PIGN: variants seen among roughly 807,000 people sequenced by gnomAD.
The protein encoded by PIGN is GPI ethanolamine phosphate transferase 1.
Under a neutral mutation model 125.4 loss-of-function variants are expected in PIGN, and 117 were observed. The ratio of observed to expected loss-of-function variants is 0.93; its 90% CI spans 0.80 to 1.09. The LOEUF (loss-of-function observed/expected upper bound fraction) is 1.09, where lower values mean the gene tolerates loss of function less well. Ranked by LOEUF, PIGN falls within the 50% of genes least tolerant of loss-of-function variation. The probability of loss-of-function intolerance (pLI) is 0.00; values close to 1 mark genes in which losing one functional copy is unlikely to be tolerated. For missense variants in PIGN, 1,075 were observed against 1,094.9 expected (o/e 0.98, Z 0.26); for synonymous variants, 392 against 377.8 (o/e 1.04, Z -0.44).
downstream of PIGN, among the ~76,000 whole-genome samples, chr18:62,038,305 C>T (rs986811398): frequency 1.7e-4 from 14 of 83,110 alleles, no homozygotes; most frequent in South Asian, 4.6e-4. Context: ...AATCCCCCTC[C>T]GTGTTTTTTT....
chr18:62,098,916 A>G (rs1481452053), intron 22 of PIGN, among the ~76,000 whole-genome samples: 2 of 152,124 alleles, frequency 1.3e-5, no homozygotes, highest in African/African-American at 2.4e-5. Flanking sequence ...ATAAAATCAT[A>G]TAGGATACTC....
intron 23 of PIGN, among the ~76,000 whole-genome samples, chr18:62,020,795 T>TA (rs58826066): frequency 0.062 from 8,785 of 140,974 alleles, 339 homozygotes; most frequent in African/African-American, 0.1. Flanking sequence ...CTAAAAATAT[T>TA]AAAAAAAAAA....
intron 23 of PIGN, among the ~76,000 whole-genome samples, chr18:62,034,787 C>T (rs2030236148): frequency 6.6e-6 from 1 of 152,118 alleles, no homozygotes; most frequent in Non-Finnish European, 1.5e-5. Flanking sequence ...AGGAAGGGGA[C>T]TTGCCTTGTC....
At chr18:62,021,130 C>G (rs1028898791) in intron 23 of PIGN, among the ~76,000 whole-genome samples, 3 of 152,102 alleles carry the variant, frequency 2.0e-5, no homozygotes, top group African/African-American at 7.2e-5. Context: ...CTAAATGATC[C>G]AGGCATTTCA....
chr18:62,018,996 C>T (rs1195550518), intron 23 of PIGN, among the ~76,000 whole-genome samples: 1 of 152,144 alleles, frequency 6.6e-6, no homozygotes, highest in Non-Finnish European at 1.5e-5. Flanking sequence ...GCTGGAGGAT[C>T]ATTTGAGGCC....
intron 28 of PIGN, among the ~76,000 whole-genome samples, chr18:62,078,632 A>C (rs58162573): frequency 0.3 from 45,768 of 152,164 alleles, 8,035 homozygotes; most frequent in East Asian, 0.58. Context: ...TCTAATTTTA[A>C]GAAGGATAGG....
chr18:62,039,725 G>A (rs1432597427), downstream of PIGN, among the ~76,000 whole-genome samples: 1 of 80,960 alleles, frequency 1.2e-5, no homozygotes, highest in Admixed American at 1.2e-4. Flanking sequence ...CCAGGGTGCC[G>A]CACATCATGT....
intron 23 of PIGN, among the ~76,000 whole-genome samples, chr18:62,091,606 C>T (rs1326353090): frequency 6.6e-5 from 10 of 152,066 alleles, no homozygotes; most frequent in African/African-American, 2.2e-4. Flanking sequence ...ACATGTCCAC[C>T]GGGGAATGAT....
chr18:62,185,410 T>C (rs2037877642), intron 1 of PIGN, among the ~76,000 whole-genome samples: 2 of 152,206 alleles, frequency 1.3e-5, no homozygotes, highest in African/African-American at 4.8e-5. Flanking sequence ...AAATTCTTGG[T>C]ACTTTTTTTT....
intron 1 of PIGN, among the ~76,000 whole-genome samples, chr18:62,180,816 A>G (rs2037691478): frequency 6.6e-6 from 1 of 152,142 alleles, no homozygotes; most frequent in African/African-American, 2.4e-5. Flanking sequence ...CCTTTTGTTA[A>G]AATAAATTTT....
intron 27 of PIGN, among the ~76,000 whole-genome samples, chr18:62,083,380 T>C (rs887915886): frequency 1.3e-5 from 2 of 152,132 alleles, no homozygotes; most frequent in African/African-American, 4.8e-5. Flanking sequence ...ATTATCAATT[T>C]TGAAAAATAT....
intron 25 of PIGN, 86 bp from the exon 26 acceptor site, chr18:62,085,350 T>C: frequency 2.3e-6 from 2 of 872,290 alleles, no homozygotes; most frequent in South Asian, 3.0e-5. Context: ...AATTTTACCT[T>C]GAGAGTAATT....
intron 7 of PIGN, 55 bp downstream of exon 7, chr18:62,154,490 C>T: frequency 1.2e-6 from 1 of 836,960 alleles, no homozygotes; most frequent in Non-Finnish European, 2.1e-6. Flanking sequence ...ATACAGTCTC[C>T]AATACTTCAG....
chr18:62,059,170 T>TAA (rs2031947151), intron 30 of PIGN: 1 of 33,596 alleles, frequency 3.0e-5, no homozygotes. Context: ...AGACCCTGTC[T>TAA]CAAAAAAAAA....
chr18:62,137,102 T>G (rs1291382089), intron 14 of PIGN: 7 of 398,532 alleles, frequency 1.8e-5, no homozygotes, highest in Non-Finnish European at 2.7e-5. Flanking sequence ...TCTAATCAGC[T>G]GCCAGCACAG....
rs908591447 is a variant in PIGN, at chr18:62,044,725, T to C, written c.*1131A>G. 6.6e-6 allele frequency: 1 copy of C among 152,166 alleles called. No homozygotes were observed. Among genetic ancestry groups the C allele is most frequent in the African/African-American group, 2.4e-5 (1 of 41,444 alleles). 9.4% of individuals were successfully genotyped at this position (152,166 alleles called of 1,614,324 possible). On this transcript the variant is annotated 3_prime_UTR_variant, in exon 31 of 31. Coordinates refer to ENST00000640252, the MANE Select transcript of PIGN (RefSeq NM_176787.5). ...ATGAATTAGTAATGCTATAACTTAA[T>C]TCAAAAGCAATTACTTCTTAAAAAT...
At chr18:62,112,480 T>G (rs1373923663) in intron 16 of PIGN, 2 of 152,180 alleles carry the variant, frequency 1.3e-5, no homozygotes, top group African/African-American at 4.8e-5. Flanking sequence ...AAGAGTAAAG[T>G]GTTTTAATGT....
intron 28 of PIGN, among the ~76,000 whole-genome samples, chr18:62,079,151 T>G (rs2033325629): frequency 6.6e-6 from 1 of 152,210 alleles, no homozygotes; most frequent in Admixed American, 6.5e-5. Flanking sequence ...TTTCACTCCC[T>G]CCACCTGAGT....
chr18:62,050,132 G>A (rs1338907143), intron 30 of PIGN, among the ~76,000 whole-genome samples: 9 of 152,096 alleles, frequency 5.9e-5, no homozygotes, highest in East Asian at 1.9e-4. Flanking sequence ...GTCAGGTAGC[G>A]TGATGCCTCC....
Sources: gnomAD v4.1 joint callset for allele counts (sites outside exome capture counted in the v4.1 genomes callset) on GRCh38, gnomAD v4.1.1 for gene constraint, MANE v1.5 for transcripts, NCBI Gene and HGNC (gene_info 2026-07-23, HGNC 2026-07-21) for gene names.